The following GPATCH1 variants were observed in gnomAD, a reference collection of about 807,000 sequenced individuals.
The protein encoded by GPATCH1 is G patch domain-containing protein 1.
A neutral mutation model predicts 114.9 loss-of-function variants in GPATCH1; 73 were observed. The observed-to-expected ratio is 0.64, with a 90% CI of 0.53 to 0.77. The LOEUF (loss-of-function observed/expected upper bound fraction) is 0.77. Among genes scored for constraint, GPATCH1 ranks in the 30% least tolerant of loss-of-function variants. The probability of loss-of-function intolerance (pLI) is 0.00; values close to 1 mark genes in which losing one functional copy is unlikely to be tolerated. For missense variants in GPATCH1, 1,058 were observed against 1,144.3 expected (o/e 0.92, Z 1.09); for synonymous variants, 391 against 428.4 (o/e 0.91, Z 1.08).
intron 4 of GPATCH1, 94 bp downstream of exon 4, chr19:33,093,613 C>T: frequency 8.4e-7 from 1 of 1,191,878 alleles, no homozygotes; most frequent in Non-Finnish European, 1.2e-6. Context: ...GCAAGTGAGA[C>T]AAGCCTTCTT....
intron 15 of GPATCH1, among the ~76,000 whole-genome samples, chr19:33,115,785 G>A (rs1215113477): frequency 5.9e-5 from 9 of 152,150 alleles, no homozygotes; most frequent in Admixed American, 2.6e-4. Context: ...ATAAGCCACC[G>A]CGCCTGGCTA....
intron 1 of GPATCH1, among the ~76,000 whole-genome samples, chr19:33,082,469 T>C (rs1972489090): frequency 6.6e-6 from 1 of 152,186 alleles, no homozygotes; most frequent in South Asian, 2.1e-4. Context: ...TCTCCACTTA[T>C]GCCCCCTTTA....
chr19:33,092,049 CTT>C (rs200494204), intron 3 of GPATCH1, among the ~76,000 whole-genome samples: 1 of 145,502 alleles, frequency 6.9e-6, no homozygotes. Flanking sequence ...CTTTTCTTTT[CTT>C]TTTTTTTTTT....
Position 33,083,111 on chromosome 19 carries a change from G to A in GPATCH1, c.73+1845G>A, listed in dbSNP as rs982571879. On this transcript the variant is annotated intron_variant, in intron 1 of 19. Transcript: ENST00000170564. ...AAAAAATTAGCTGGGCGTGGTGGGG[G>A]GGGGCTCATGTAGTCCCAGCTACTC... Among the ~76,000 whole-genome samples, 22 of 151,510 alleles carry A rather than the reference G, an allele frequency of 1.5e-4. No homozygotes were observed. The East Asian group carries it at 4.0e-3, about 28-fold the overall frequency.
chr19:33,111,214 C>T (rs1972848355), intron 11 of GPATCH1, among the ~76,000 whole-genome samples: 1 of 151,228 alleles, frequency 6.6e-6, no homozygotes, highest in Non-Finnish European at 1.5e-5. Context: ...TGTTTCCCGT[C>T]TCTACTAAAA....
chr19:33,099,637 C>T (rs966760842), intron 8 of GPATCH1, among the ~76,000 whole-genome samples: 1 of 151,726 alleles, frequency 6.6e-6, no homozygotes, highest in Non-Finnish European at 1.5e-5. Flanking sequence ...CTCACTCTGT[C>T]ACCCAGGCTG....
intron 13 of GPATCH1, chr19:33,113,022 G>T (rs1351773287): frequency 6.2e-6 from 1 of 160,326 alleles, no homozygotes; most frequent in African/African-American, 2.4e-5. Context: ...GTGCACACTT[G>T]TAATCCTAGC....
Position 33,111,891 on chromosome 19 carries a change from C to G in GPATCH1, c.1753C>G (p.Arg585Gly). 6.2e-7 allele frequency: 1 copy of G among 1,613,254 alleles called. No individual in the cohort carries two copies. The highest frequency in any genetic ancestry group is 8.5e-7 in the Non-Finnish European group (1 of 1,179,208). Reference protein sequence around the residue: ...EDDSDQVEVPRDQENDVGDKQ... With the variant: ...EDDSDQVEVPGDQENDVGDKQ... Reference sequence around the variant, plus strand: ...TGACTCAGATCAGGTTGAAGTCCCTCGAGACCAAGAGGTCTGTTGTCACCA... The same window carrying G: ...TGACTCAGATCAGGTTGAAGTCCCTGGAGACCAAGAGGTCTGTTGTCACCA... The change falls in exon 12 of 20, where the codon CGA (arginine) becomes GGA (glycine). Residue 585 changes from arginine to glycine, a missense_variant. By Grantham distance (125) the Arg-to-Gly change is moderately radical. Transcript: ENST00000170564.
At chr19:33,116,623 A>G (rs1223401670) in intron 15 of GPATCH1, among the ~76,000 whole-genome samples, 2 of 152,058 alleles carry the variant, frequency 1.3e-5, no homozygotes, top group African/African-American at 2.4e-5. Flanking sequence ...TCCACCTCCC[A>G]GGTTCACGCC....
chr19:33,097,023 G>A (rs1465894937), intron 7 of GPATCH1, among the ~76,000 whole-genome samples: 6 of 149,616 alleles, frequency 4.0e-5, no homozygotes, highest in Non-Finnish European at 5.9e-5. Context: ...TCGGCTCACC[G>A]CAACCTCCAC....
chr19:33,126,450 C>T, intron 18 of GPATCH1, 138 bp from the exon 19 acceptor site: 1 of 1,278,776 alleles, frequency 7.8e-7, no homozygotes, highest in Non-Finnish European at 1.1e-6. Flanking sequence ...GTTAGGCTCT[C>T]ACTCTCACTC....
intron 2 of GPATCH1, among the ~76,000 whole-genome samples, chr19:33,090,154 G>A (rs946975552): frequency 3.3e-5 from 5 of 152,180 alleles, no homozygotes; most frequent in Admixed American, 6.6e-5. Context: ...GTTTGTGGAC[G>A]TGGCACATGC....
rs1972650066 is a variant in GPATCH1, at chr19:33,095,740, G to C, written c.554-22G>C. 2.5e-6 allele frequency: 4 copies of C among 1,569,284 alleles called. No individual in the cohort carries two copies. In the Admixed American group the frequency reaches 6.7e-5, roughly 26 times the overall value. ...CTATTTGTAGTCACTCATGACTATTGCATTTGAAATCTCTTTTCTAGATCC... is the reference window on the plus strand; with the variant it reads ...CTATTTGTAGTCACTCATGACTATTCCATTTGAAATCTCTTTTCTAGATCC... On this transcript the variant is annotated intron_variant, in intron 5 of 19. Coordinates refer to ENST00000170564, the MANE Select transcript of GPATCH1 (RefSeq NM_018025.3).
Position 33,113,894 on chromosome 19 carries a change from G to C in GPATCH1, c.2020G>C (p.Gly674Arg), listed in dbSNP as rs148426184. ...ASSEKVSQHR[G>R]PDKSRKPSRW... The stretch of plus-strand genomic sequence containing the variant: ...AAGTGAAAAAGTATCACAGCACCGA[G>C]GTCCCGACAGTGAGTAGGGCGTCCC... Residue 674 changes from glycine to arginine, a missense_variant, in exon 14 of 20, where the codon GGT becomes CGT. Around this residue, in one of 3 missense-constraint regions of GPATCH1, gnomAD observed 893 missense variants for 977.4 expected, o/e 0.91. Transcript: ENST00000170564. The C allele has an allele frequency of 8.8e-5, 142 of 1,614,040 alleles. No homozygotes were observed. In the African/African-American group the frequency reaches 1.8e-3, roughly 20 times the overall value.
intron 10 of GPATCH1, among the ~76,000 whole-genome samples, chr19:33,107,458 T>C (rs1972798332): frequency 6.6e-6 from 1 of 152,210 alleles, no homozygotes; most frequent in African/African-American, 2.4e-5. Flanking sequence ...TCAGGGAATG[T>C]GGTTAAGGTG....
At chr19:33,116,036 A>AT (rs935145789) in intron 15 of GPATCH1, among the ~76,000 whole-genome samples, 20 of 132,454 alleles carry the variant, frequency 1.5e-4, no homozygotes, top group East Asian at 4.4e-4. Context: ...TTCTCTTGGT[A>AT]TTTTTTTTTT....
intron 15 of GPATCH1, 71 bp from the exon 16 acceptor site, chr19:33,117,754 G>A (rs1972931975): frequency 2.9e-6 from 3 of 1,031,890 alleles, no homozygotes; most frequent in Non-Finnish European, 4.6e-6. Context: ...GTCTGGGAGT[G>A]TATTCTAGAA....
chr19:33,101,812 C>T (rs1258035232), intron 9 of GPATCH1, among the ~76,000 whole-genome samples: 2 of 151,992 alleles, frequency 1.3e-5, no homozygotes, highest in East Asian at 3.9e-4. Context: ...GGTGGATCAC[C>T]TGAGGTCGGG....
intron 12 of GPATCH1, 90 bp downstream of exon 12, chr19:33,111,992 G>A: frequency 2.1e-6 from 2 of 949,608 alleles, no homozygotes; most frequent in Non-Finnish European, 3.2e-6. Context: ...TTGAGACGGA[G>A]TCTCTCTCTG....
Sources: gnomAD v4.1 joint callset for allele counts (sites outside exome capture counted in the v4.1 genomes callset) on GRCh38, gnomAD v4.1.1 for gene constraint, gnomAD v4.1.1 regional missense constraint, MANE v1.5 for transcripts, NCBI Gene and HGNC (gene_info 2026-07-23, HGNC 2026-07-21) for gene names.